DAB1: variants seen among roughly 807,000 people sequenced by gnomAD.
DAB1 encodes disabled homolog 1.
Under a neutral mutation model 64.6 loss-of-function variants are expected in DAB1, and 15 were observed. The ratio of observed to expected loss-of-function variants is 0.23; its 90% CI spans 0.16 to 0.36. DAB1 has a LOEUF of 0.36. Ranked by LOEUF, DAB1 falls within the 10% of genes least tolerant of loss-of-function variation. The probability of loss-of-function intolerance (pLI) is 1.00; values close to 1 mark genes in which losing one functional copy is unlikely to be tolerated. For missense variants in DAB1, 596 were observed against 706.7 expected, an observed-to-expected ratio of 0.84 and a Z score of 1.78; for synonymous variants, 235 against 251.9, an observed-to-expected ratio of 0.93 and a Z score of 0.64.
At chr1:57,989,293 T>C (rs917664851) in intron 5 of DAB1, among the ~76,000 whole-genome samples, 6 of 152,188 alleles carry the variant, frequency 3.9e-5, no homozygotes, top group Non-Finnish European at 4.4e-5. Flanking sequence ...CTCACCACTA[T>C]GCCTTCACTT....
chr1:57,710,829 C>T (rs1570758899), intron 6 of DAB1, among the ~76,000 whole-genome samples: 1 of 152,132 alleles, frequency 6.6e-6, no homozygotes, highest in Non-Finnish European at 1.5e-5. Flanking sequence ...TTACTCAACT[C>T]AATCTCCACA....
At chr1:57,973,197 G>T (rs1645839703) in intron 5 of DAB1, among the ~76,000 whole-genome samples, 1 of 152,152 alleles carries the variant, frequency 6.6e-6, no homozygotes. Context: ...GGCAGAAAGA[G>T]ATTTTAAGAC....
chr1:58,130,598 G>T (rs1288101950), intron 5 of DAB1, among the ~76,000 whole-genome samples: 1 of 152,084 alleles, frequency 6.6e-6, no homozygotes, highest in Non-Finnish European at 1.5e-5. Flanking sequence ...GCTGGTACCG[G>T]TTGTTCCTTT....
At chr1:57,842,459 A>G (rs1653097067) in intron 1 of DAB1, among the ~76,000 whole-genome samples, 1 of 152,090 alleles carries the variant, frequency 6.6e-6, no homozygotes, top group Non-Finnish European at 1.5e-5. Flanking sequence ...TTCTCTCAGT[A>G]CCAATTTTCT....
chr1:58,218,700 A>G (rs753741701), intron 4 of DAB1, among the ~76,000 whole-genome samples: 1 of 152,126 alleles, frequency 6.6e-6, no homozygotes, highest in Non-Finnish European at 1.5e-5. Flanking sequence ...AAGAAGAGAG[A>G]AAAAGCTAAC....
chr1:57,951,818 T>C (rs921457693), intron 5 of DAB1, among the ~76,000 whole-genome samples: 2 of 152,126 alleles, frequency 1.3e-5, no homozygotes, highest in Admixed American at 1.3e-4. Context: ...CATATATTCC[T>C]TGGGTATATA....
At chr1:57,676,068 T>C (rs972927498) in intron 6 of DAB1, among the ~76,000 whole-genome samples, 1 of 152,074 alleles carries the variant, frequency 6.6e-6, no homozygotes, top group Non-Finnish European at 1.5e-5. Context: ...GGGATAAACA[T>C]AGCATTTAAG....
intron 7 of DAB1, among the ~76,000 whole-genome samples, chr1:57,583,984 T>C (rs982108523): frequency 7.2e-5 from 11 of 152,314 alleles, no homozygotes; most frequent in Middle Eastern, 3.4e-3. Flanking sequence ...TGAGAAGGAC[T>C]CCGTACTTCT....
chr1:57,660,610 AC>A (rs1646375528), intron 6 of DAB1, among the ~76,000 whole-genome samples: 1 of 152,198 alleles, frequency 6.6e-6, no homozygotes, highest in South Asian at 2.1e-4. Context: ...TTACACTGAA[AC>A]ACTCACTCTG....
intron 3 of DAB1, among the ~76,000 whole-genome samples, chr1:58,368,345 G>A (rs560765423): frequency 1.4e-4 from 21 of 152,258 alleles, no homozygotes; most frequent in East Asian, 7.7e-4. Context: ...TGAGGAAAGC[G>A]TGGTAACCGA....
intron 5 of DAB1, among the ~76,000 whole-genome samples, chr1:57,998,376 CT>C (rs1225227505): frequency 4.2e-5 from 6 of 144,532 alleles, no homozygotes; most frequent in African/African-American, 1.3e-4. Flanking sequence ...GAGTCCTCAT[CT>C]TTTTTTTCTC....
intron 4 of DAB1, among the ~76,000 whole-genome samples, chr1:58,274,668 C>T (rs541807822): frequency 1.3e-3 from 191 of 152,262 alleles, no homozygotes; most frequent in Non-Finnish European, 2.2e-3. Context: ...ATTCCGTGGG[C>T]GTAGGACCCT....
At chr1:58,455,164 G>A (rs1370826545) in intron 3 of DAB1, among the ~76,000 whole-genome samples, 1 of 152,270 alleles carries the variant, frequency 6.6e-6, no homozygotes, top group African/African-American at 2.4e-5. Context: ...GGGATCAGGA[G>A]TGTGGGAGGG....
At chr1:58,002,648 C>T (rs1297177338) in intron 5 of DAB1, among the ~76,000 whole-genome samples, 1 of 151,952 alleles carries the variant, frequency 6.6e-6, no homozygotes, top group Non-Finnish European at 1.5e-5. Context: ...TCAGCAGATA[C>T]AAGCAGTTAA....
intron 6 of DAB1, among the ~76,000 whole-genome samples, chr1:57,736,050 A>T (rs1647676570): frequency 6.6e-6 from 1 of 152,208 alleles, no homozygotes; most frequent in South Asian, 2.1e-4. Context: ...TAAGTTTAAA[A>T]AAAAGAACTA....
chr1:58,353,291 C>T (rs548150207), intron 3 of DAB1, among the ~76,000 whole-genome samples: 27 of 152,254 alleles, frequency 1.8e-4, no homozygotes, highest in Non-Finnish European at 2.8e-4. Context: ...GAGATAACCA[C>T]GGTTACTGTT....
Position 58,406,715 on chromosome 1 carries a change from C to G in DAB1, n.258-63312G>C, listed in dbSNP as rs1238816. On this transcript the variant is annotated intron_variant and non_coding_transcript_variant, in intron 3 of 20. Coordinates refer to the DAB1 transcript ENST00000485760. ...GAAAAGAACGATAATATCATCCCCC[C>G]CCCCCAACTGCCACCATCTCACCAA... Among the ~76,000 whole-genome samples, 549 of 83,684 alleles carry G rather than the reference C, an allele frequency of 6.6e-3. 3 individuals are homozygous for G. The highest frequency in any genetic ancestry group is 0.03 in the African/African-American group (516 of 17,056). The allele number at this position is 83,684 out of a possible 152,430, so 54.9% of individuals were successfully genotyped here.
At chr1:57,108,051 A>C (rs1249393270) in intron 4 of DAB1, among the ~76,000 whole-genome samples, 1 of 152,154 alleles carries the variant, frequency 6.6e-6, no homozygotes, top group Admixed American at 6.5e-5. Context: ...ATTCAGTGTC[A>C]GCTTTGGTTA....
At chr1:57,468,911 G>A (rs939370136) in intron 7 of DAB1, among the ~76,000 whole-genome samples, 12 of 152,136 alleles carry the variant, frequency 7.9e-5, no homozygotes, top group African/African-American at 2.9e-4. Flanking sequence ...TATGGTGTAA[G>A]GTTACAGAGA....
Sources: gnomAD v4.1 joint callset for allele counts (sites outside exome capture counted in the v4.1 genomes callset) on GRCh38, gnomAD v4.1.1 for gene constraint, MANE v1.5 for transcripts, NCBI Gene and HGNC (gene_info 2026-07-23, HGNC 2026-07-21) for gene names.